The following ANKRD13A variants were observed in gnomAD, a reference collection of about 807,000 sequenced individuals.
ANKRD13A encodes ankyrin repeat domain-containing protein 13A.
A neutral mutation model predicts 81.3 loss-of-function variants in ANKRD13A; 48 were observed. The ratio of observed to expected loss-of-function variants is 0.59; its 90% CI spans 0.47 to 0.75. The LOEUF is 0.75. Ranked by LOEUF, ANKRD13A falls within the 30% of genes least tolerant of loss-of-function variation. The pLI is 0.00. For synonymous variants in ANKRD13A, 230 were observed against 270.1 expected (o/e 0.85, Z 1.45); for missense variants, 612 against 734.0 (o/e 0.83, Z 1.92).
intron 3 of ANKRD13A, among the ~76,000 whole-genome samples, chr12:110,015,616 G>A (rs76860408): frequency 6.6e-6 from 1 of 151,544 alleles, no homozygotes; most frequent in African/African-American, 2.4e-5. Flanking sequence ...GTGCTATCTC[G>A]GCTCATGGCA....
intron 6 of ANKRD13A, among the ~76,000 whole-genome samples, chr12:110,023,153 A>T (rs937306400): frequency 6.6e-6 from 1 of 152,240 alleles, no homozygotes; most frequent in Non-Finnish European, 1.5e-5. Context: ...CTGTTGCCGT[A>T]GCCAGGGCCA....
chr12:110,001,596 T>G, intron 1 of ANKRD13A, among the ~76,000 whole-genome samples: 1 of 152,042 alleles, frequency 6.6e-6, no homozygotes, highest in East Asian at 1.9e-4. Context: ...AATTTTTGTA[T>G]TTTTAGTGGA....
chr12:110,029,451 C>T, intron 10 of ANKRD13A, 27 bp from the exon 11 acceptor site: 1 of 1,600,300 alleles, frequency 6.2e-7, no homozygotes. Context: ...GAGATGACCT[C>T]AGTCTTTTCT....
intron 5 of ANKRD13A, 135 bp from the exon 6 acceptor site, chr12:110,019,004 C>A: frequency 2.3e-6 from 2 of 855,592 alleles, no homozygotes; most frequent in Non-Finnish European, 3.5e-6. Context: ...AGTCGATAAT[C>A]AGTACACTGT....
chr12:110,002,768 A>T (rs898289179), intron 1 of ANKRD13A, among the ~76,000 whole-genome samples: 2 of 152,162 alleles, frequency 1.3e-5, no homozygotes, highest in Non-Finnish European at 2.9e-5. Context: ...TGATAGCTGT[A>T]AGAATTTTTT....
At position 110,023,972 on chromosome 12, in the gene ANKRD13A, C is replaced by A. The variant is rs779622295; in HGVS notation, c.735-74C>A. 2.1e-5 allele frequency: 30 copies of A among 1,454,944 alleles called. No homozygotes were observed. In the African/African-American group the frequency reaches 3.8e-4, roughly 19 times the overall value. The allele number at this position is 1,454,944 out of a possible 1,614,324, so 90.1% of individuals were successfully genotyped here. On this transcript the variant is annotated intron_variant, in intron 6 of 14. Coordinates refer to ENST00000261739, the MANE Select transcript of ANKRD13A (RefSeq NM_033121.2). ...TAACTTAAGCTGGGGGGGAAAAAAACTATAAAGGCTACAGATATAAATCTG... is the reference window on the plus strand; with the variant it reads ...TAACTTAAGCTGGGGGGGAAAAAAAATATAAAGGCTACAGATATAAATCTG...
chr12:110,021,265 C>T (rs1891062837), intron 6 of ANKRD13A: 2 of 373,316 alleles, frequency 5.4e-6, no homozygotes. Context: ...GGATTGATAC[C>T]AGCTACGAAA....
Position 110,037,499 on chromosome 12 carries a change from A to C in ANKRD13A, c.1718A>C (p.Gln573Pro). 1 of 1,614,156 alleles carries C rather than the reference A, an allele frequency of 6.2e-7. No individual in the cohort carries two copies. Among genetic ancestry groups the C allele is most frequent in the Non-Finnish European group, 8.5e-7 (1 of 1,180,036 alleles). Residue 573 changes from glutamine to proline, a missense_variant, in exon 15 of 15, where the codon CAG becomes CCG. Gln to Pro is a moderately conservative substitution (Grantham distance 76). Transcript: ENST00000261739. The stretch of plus-strand genomic sequence containing the variant: ...CTGGAGGAATGGGAGCTCCGGCTCC[A>C]GGAGGAAGAGGCTGAGCTCCAGCAA... ...KELEEWELRL[Q>P]EEEAELQQVL...
At chr12:110,024,847 A>G (rs1304367257) in intron 7 of ANKRD13A, among the ~76,000 whole-genome samples, 1 of 152,220 alleles carries the variant, frequency 6.6e-6, no homozygotes, top group Non-Finnish European at 1.5e-5. Flanking sequence ...GTTAACTGTT[A>G]TGTTTGATTT....
intron 1 of ANKRD13A, among the ~76,000 whole-genome samples, chr12:110,002,690 C>T (rs1304430572): frequency 3.9e-5 from 6 of 152,184 alleles, no homozygotes; most frequent in Non-Finnish European, 7.4e-5. Flanking sequence ...GTTTTGTTTG[C>T]TGGTGAGTTT....
At position 109,999,921 on chromosome 12, in the gene ANKRD13A, C is replaced by G; in HGVS notation, c.96+137C>G. On this transcript the variant is annotated intron_variant, in intron 1 of 14. Transcript: ENST00000261739. The surrounding 1 kb of genome is among the most constrained non-coding windows in gnomAD (Gnocchi z 4.3). Reference sequence around the variant, plus strand: ...TTCCACTTTGCAGGTGTGGGACAGTCCTAATAATAGGACACGTATCGAGTG... The same window carrying G: ...TTCCACTTTGCAGGTGTGGGACAGTGCTAATAATAGGACACGTATCGAGTG... The G allele has an allele frequency of 1.5e-6, 1 of 670,804 alleles. No individual in the cohort carries two copies. The highest frequency in any genetic ancestry group is 2.3e-6 in the Non-Finnish European group (1 of 434,080). 41.6% of individuals were successfully genotyped at this position (670,804 alleles called of 1,614,324 possible). A position where few individuals can be genotyped will look rare whatever the true frequency, so the allele number is the denominator to read the frequency against.
chr12:110,027,556 T>C, intron 8 of ANKRD13A, 149 bp from the exon 9 acceptor site: 1 of 722,966 alleles, frequency 1.4e-6, no homozygotes, highest in Non-Finnish European at 2.4e-6. Flanking sequence ...GATAAATTAG[T>C]TTATGGTTAT....
intron 12 of ANKRD13A, among the ~76,000 whole-genome samples, chr12:110,033,055 CTTTT>C (rs1195852066): frequency 7.7e-6 from 1 of 130,466 alleles, no homozygotes; most frequent in Non-Finnish European, 1.7e-5. Flanking sequence ...TTTTCTTTTT[CTTTT>C]TTTTTTTTTT....
chr12:110,035,312 G>C (rs770243907), intron 13 of ANKRD13A, among the ~76,000 whole-genome samples: 3 of 152,178 alleles, frequency 2.0e-5, no homozygotes, highest in Non-Finnish European at 2.9e-5. Context: ...TCTTGCCCTA[G>C]AAGAATTACT....
chr12:110,029,435 C>A, intron 10 of ANKRD13A, 43 bp from the exon 11 acceptor site: 5 of 1,593,748 alleles, frequency 3.1e-6, no homozygotes, highest in African/African-American at 1.3e-5. Flanking sequence ...CTTTTCCCAT[C>A]TGGTGGAGAT....
intron 1 of ANKRD13A, among the ~76,000 whole-genome samples, chr12:110,006,203 C>G (rs2137083246): frequency 6.6e-6 from 1 of 152,278 alleles, no homozygotes; most frequent in East Asian, 1.9e-4. Flanking sequence ...TGTAGTTACT[C>G]TATGTTTTAA....
At chr12:110,013,701 G>A (rs1404600348) in intron 3 of ANKRD13A, among the ~76,000 whole-genome samples, 1 of 152,084 alleles carries the variant, frequency 6.6e-6, no homozygotes, top group Non-Finnish European at 1.5e-5. Flanking sequence ...AACCCAGAAG[G>A]TTGAGGCTGC....
chr12:110,010,119 G>A (rs190462550), intron 1 of ANKRD13A, among the ~76,000 whole-genome samples: 101 of 152,248 alleles, frequency 6.6e-4, no homozygotes, highest in African/African-American at 2.0e-3. Context: ...CACCCACCTC[G>A]GCCTCCCGAA....
At position 110,019,348 on chromosome 12, in the gene ANKRD13A, A is replaced by G. The variant is rs756930000; in HGVS notation, c.734+20A>G. Reference sequence around the variant, plus strand: ...TGAAAGGTACAAATTTAGACTCTAAATTTTAATGTCTAATCCCCATGCTGC... The same window carrying G: ...TGAAAGGTACAAATTTAGACTCTAAGTTTTAATGTCTAATCCCCATGCTGC... On this transcript the variant is annotated intron_variant, in intron 6 of 14. Coordinates refer to ENST00000261739, the MANE Select transcript of ANKRD13A (RefSeq NM_033121.2). 1.9e-6 allele frequency: 3 copies of G among 1,576,300 alleles called. No individual in the cohort carries two copies. The highest frequency in any genetic ancestry group is 2.6e-6 in the Non-Finnish European group (3 of 1,157,368).
Sources: gnomAD v4.1 joint callset for allele counts (sites outside exome capture counted in the v4.1 genomes callset) on GRCh38, gnomAD v4.1.1 for gene constraint, Gnocchi (gnomAD v3.1) non-coding constraint, MANE v1.5 for transcripts, NCBI Gene and HGNC (gene_info 2026-07-23, HGNC 2026-07-21) for gene names.